The following COL24A1 variants were observed in gnomAD, a reference collection of about 807,000 sequenced individuals.
COL24A1 encodes the protein collagen type XXIV alpha 1 chain.
COL24A1 carries 224 observed loss-of-function variants against 253.9 expected under a neutral mutation model. The ratio of observed to expected loss-of-function variants is 0.88; its 90% CI spans 0.79 to 0.99. The LOEUF is 0.99. Among genes scored for constraint, COL24A1 ranks in the 50% least tolerant of loss-of-function variants. COL24A1 has a pLI of 0.00. For missense variants in COL24A1, 2,131 were observed against 2,068.5 expected (o/e 1.03, Z -0.59); for synonymous variants, 685 against 673.7 (o/e 1.02, Z -0.26).
chr1:86,146,792 G>C (rs1651947926), intron 1 of COL24A1, among the ~76,000 whole-genome samples: 1 of 151,962 alleles, frequency 6.6e-6, no homozygotes, highest in Admixed American at 6.6e-5. Flanking sequence ...TTGATTAGTA[G>C]TAGCTATGAG....
At chr1:85,842,659 C>T (rs1676744056) in intron 39 of COL24A1, among the ~76,000 whole-genome samples, 1 of 151,918 alleles carries the variant, frequency 6.6e-6, no homozygotes, top group Non-Finnish European at 1.5e-5. Flanking sequence ...TTTCAGTTGT[C>T]AGAATCCTGC....
chr1:86,102,115 G>C (rs1442525136), intron 5 of COL24A1, among the ~76,000 whole-genome samples: 1 of 151,788 alleles, frequency 6.6e-6, no homozygotes, highest in Non-Finnish European at 1.5e-5. Flanking sequence ...GTTCATTCTT[G>C]GGAAAGTGTG....
intron 53 of COL24A1, among the ~76,000 whole-genome samples, chr1:85,771,120 T>C (rs1020400556): frequency 1.3e-5 from 2 of 152,216 alleles, no homozygotes; most frequent in African/African-American, 4.8e-5. Context: ...ATTATTATTA[T>C]ACTTTAAGTT....
intron 5 of COL24A1, among the ~76,000 whole-genome samples, chr1:86,108,864 T>C (rs938650455): frequency 6.6e-6 from 1 of 151,776 alleles, no homozygotes; most frequent in African/African-American, 2.4e-5. Context: ...CACTGCAGAT[T>C]GAGAGTTAAA....
intron 7 of COL24A1, among the ~76,000 whole-genome samples, chr1:86,087,486 T>A (rs1451021820): frequency 6.6e-6 from 1 of 152,152 alleles, no homozygotes; most frequent in Non-Finnish European, 1.5e-5. Context: ...AGACTGCATG[T>A]CATATACTCT....
At chr1:86,070,618 G>A (rs1016389610) in intron 7 of COL24A1, among the ~76,000 whole-genome samples, 4 of 152,106 alleles carry the variant, frequency 2.6e-5, no homozygotes, top group African/African-American at 7.2e-5. Flanking sequence ...ACTATGGAGC[G>A]GAAATACATC....
intron 37 of COL24A1, among the ~76,000 whole-genome samples, chr1:85,863,667 A>T (rs1679432444): frequency 6.6e-6 from 1 of 152,234 alleles, no homozygotes; most frequent in East Asian, 1.9e-4. Flanking sequence ...CAAAGGGCTA[A>T]TATCCAGAAT....
At chr1:85,869,372 A>C (rs1680156678) in intron 35 of COL24A1, among the ~76,000 whole-genome samples, 1 of 152,168 alleles carries the variant, frequency 6.6e-6, no homozygotes, top group Non-Finnish European at 1.5e-5. Flanking sequence ...CCTTGAGAAG[A>C]GCAACTCCAA....
chr1:85,798,395 A>C (rs1558165845), intron 47 of COL24A1, among the ~76,000 whole-genome samples: 1 of 151,940 alleles, frequency 6.6e-6, no homozygotes, highest in African/African-American at 2.4e-5. Context: ...GGTCGGAGGG[A>C]GGGAAGAAGT....
At chr1:85,732,903 G>A (rs1238821348) in intron 59 of COL24A1, among the ~76,000 whole-genome samples, 1 of 152,152 alleles carries the variant, frequency 6.6e-6, no homozygotes, top group Non-Finnish European at 1.5e-5. Flanking sequence ...TGTAACAGAT[G>A]AGTTTGACCA....
intron 5 of COL24A1, among the ~76,000 whole-genome samples, chr1:86,107,892 C>T (rs1163905872): frequency 6.6e-6 from 1 of 152,138 alleles, no homozygotes; most frequent in Non-Finnish European, 1.5e-5. Flanking sequence ...ACACAGTTAT[C>T]AAATTCTTAA....
Position 85,868,780 on chromosome 1 carries a change from AC to A in COL24A1, c.3192+1del, listed in dbSNP as rs765903136. ...ATATATAATCTTAAAAGTATAATTTACCTTTAACCCATCTTTTCCCTGGAGA... is the reference window on the plus strand; with the variant it reads ...ATATATAATCTTAAAAGTATAATTTACTTTAACCCATCTTTTCCCTGGAGA... On this transcript the variant is annotated splice_donor_variant, in intron 36 of 59. Transcript: ENST00000370571. LOFTEE classifies it high-confidence loss of function. The A allele has an allele frequency of 1.9e-6, 3 of 1,554,576 alleles. No individual in the cohort carries two copies. Among genetic ancestry groups the A allele is most frequent in the Non-Finnish European group, 8.7e-7 (1 of 1,144,496 alleles).
intron 12 of COL24A1, among the ~76,000 whole-genome samples, chr1:86,040,955 A>G (rs182044301): frequency 7.9e-4 from 121 of 152,332 alleles, no homozygotes; most frequent in African/African-American, 2.8e-3. Context: ...TATGTATTTA[A>G]GACTGTCTTG....
At chr1:85,902,378 C>A (rs1206592047) in intron 28 of COL24A1, among the ~76,000 whole-genome samples, 3 of 152,178 alleles carry the variant, frequency 2.0e-5, no homozygotes, top group East Asian at 3.9e-4. Context: ...CTGTTTTACA[C>A]CCCCTCGCCA....
intron 10 of COL24A1, among the ~76,000 whole-genome samples, chr1:86,050,705 T>A (rs549529393): frequency 6.6e-6 from 1 of 152,132 alleles, no homozygotes; most frequent in African/African-American, 2.4e-5. Context: ...TAGTAATTGA[T>A]CACATTTTAT....
At chr1:85,943,598 C>A (rs1383065180) in intron 24 of COL24A1, among the ~76,000 whole-genome samples, 1 of 152,212 alleles carries the variant, frequency 6.6e-6, no homozygotes, top group South Asian at 2.1e-4. Context: ...AAGTTAATTA[C>A]TACTGATACT....
intron 47 of COL24A1, 140 bp downstream of exon 47, chr1:85,816,648 T>A: frequency 1.5e-6 from 1 of 655,078 alleles, no homozygotes; most frequent in Non-Finnish European, 2.8e-6. Context: ...TAAATACAAC[T>A]GCATAATAGC....
At position 86,063,383 on chromosome 1, in the gene COL24A1, T is replaced by TGTGTGTGTGTGTGTGTGTGTG. The variant is rs1376429091; in HGVS notation, c.1752+331_1752+332insCACACACACACACACACACAC. On this transcript the variant is annotated intron_variant, in intron 8 of 59. Coordinates refer to ENST00000370571, the MANE Select transcript of COL24A1 (RefSeq NM_152890.7). ...TCTGTGTGTGTGTGTGTGTGTGTGTTTGTATGTGTATGGATATGTATATTT... is the reference window on the plus strand; with the variant it reads ...TCTGTGTGTGTGTGTGTGTGTGTGTTGTGTGTGTGTGTGTGTGTGTGTGTATGTGTATGGATATGTATATTT... Among the ~76,000 whole-genome samples, 9 of 144,460 alleles carry TGTGTGTGTGTGTGTGTGTGTG rather than the reference T, an allele frequency of 6.2e-5. No homozygotes were observed. The South Asian group carries it at 2.0e-3, about 32-fold the overall frequency. 94.8% of individuals were successfully genotyped at this position (144,460 alleles called of 152,430 possible).
At chr1:85,829,874 T>C (rs556416032) in intron 43 of COL24A1, among the ~76,000 whole-genome samples, 1 of 152,258 alleles carries the variant, frequency 6.6e-6, no homozygotes, top group Non-Finnish European at 1.5e-5. Flanking sequence ...TTGAATTTCC[T>C]CCCATAGCTC....
Sources: gnomAD v4.1 joint callset for allele counts (sites outside exome capture counted in the v4.1 genomes callset) on GRCh38, gnomAD v4.1.1 for gene constraint, MANE v1.5 for transcripts, NCBI Gene and HGNC (gene_info 2026-07-23, HGNC 2026-07-21) for gene names.